Variants in MAD1L1 observed in about 807,000 individuals in gnomAD.
MAD1L1 encodes mitotic spindle assembly checkpoint protein MAD1.
MAD1L1 carries 95 observed loss-of-function variants against 96.9 expected under a neutral mutation model. That is an observed-to-expected ratio of 0.98 (90% CI 0.83 to 1.16). MAD1L1 has a LOEUF of 1.16. Among genes scored for constraint, MAD1L1 ranks in the 50% most tolerant of loss-of-function variants. The pLI, the probability that MAD1L1 is intolerant of heterozygous loss-of-function variation, is 0.00. For synonymous variants in MAD1L1, 473 were observed against 396.6 expected, an observed-to-expected ratio of 1.19 and a Z score of -2.29; for missense variants, 1,007 against 954.4, an observed-to-expected ratio of 1.06 and a Z score of -0.73.
chr7:2,109,554 C>G (rs1486380960), intron 11 of MAD1L1: 2 of 152,234 alleles, frequency 1.3e-5, no homozygotes, highest in Non-Finnish European at 2.9e-5. Flanking sequence ...TCGAGATGCT[C>G]TGGCGTGTCA....
rs377307064 is a variant in MAD1L1 at position 1,928,677 on chromosome 7, G to A, written c.1807+8010C>T. ...ATCCCATTTGAACCGCTCAGCTGTCGGCATTGCACGGTGTTTGTACTGAGC... is the reference window on the plus strand; with the variant it reads ...ATCCCATTTGAACCGCTCAGCTGTCAGCATTGCACGGTGTTTGTACTGAGC... On this transcript the variant is annotated intron_variant, in intron 17 of 18. Coordinates refer to ENST00000265854, the MANE Select transcript of MAD1L1 (RefSeq NM_001013836.2). Among the ~76,000 whole-genome samples the A allele has an allele frequency of 3.9e-5, 6 of 152,344 alleles. No homozygotes were observed. The East Asian group carries it at 5.8e-4, about 15-fold the overall frequency.
chr7:1,873,278 C>A (rs538202417), intron 18 of MAD1L1, among the ~76,000 whole-genome samples: 2 of 152,230 alleles, frequency 1.3e-5, no homozygotes, highest in East Asian at 3.9e-4. Flanking sequence ...CGGGCTGGGG[C>A]GCGAGTCCGG....
At chr7:1,864,999 G>A (rs1299553465) in intron 18 of MAD1L1, among the ~76,000 whole-genome samples, 1 of 152,150 alleles carries the variant, frequency 6.6e-6, no homozygotes, top group Non-Finnish European at 1.5e-5. Context: ...CTGAAGCACT[G>A]AGACACCTAC....
rs61593824 is a variant in MAD1L1 at position 1,860,340 on chromosome 7, T to C, written c.1998+37860A>G. 1.3e-3 allele frequency among the ~76,000 whole-genome samples: 60 copies of C among 47,862 alleles called. 1 individual carries two copies. Among genetic ancestry groups the C allele is most frequent in the Non-Finnish European group, 1.8e-3 (43 of 23,736 alleles). 31.4% of individuals were successfully genotyped at this position (47,862 alleles called of 152,430 possible). A position where few individuals can be genotyped will look rare whatever the true frequency, so the allele number is the denominator to read the frequency against. ...GCGGGGCGGCCTCTGTCTCCCTAGA[T>C]GTGACATCCTGCGGGGCGGCCTCTG... is the stretch of plus-strand genomic sequence containing the variant. On this transcript the variant is annotated intron_variant, in intron 18 of 18. Transcript: ENST00000265854.
intron 18 of MAD1L1, among the ~76,000 whole-genome samples, chr7:1,882,722 C>T (rs947169904): frequency 7.9e-5 from 12 of 152,230 alleles, no homozygotes; most frequent in Admixed American, 2.0e-4. Flanking sequence ...CACTGCCCTG[C>T]CACAGGCCCG....
chr7:1,933,767 G>A (rs1399361786), intron 17 of MAD1L1, among the ~76,000 whole-genome samples: 3 of 152,186 alleles, frequency 2.0e-5, no homozygotes, highest in Non-Finnish European at 4.4e-5. Context: ...ACTGCCCAGG[G>A]CACACAGATG....
intron 11 of MAD1L1, among the ~76,000 whole-genome samples, chr7:2,105,397 T>C (rs1407070527): frequency 1.4e-5 from 2 of 141,192 alleles, no homozygotes; most frequent in South Asian, 5.0e-4. Context: ...CGGGGCGGTC[T>C]CTGCTGGCCT....
At chr7:2,179,167 G>A (rs1465561136) in intron 10 of MAD1L1, among the ~76,000 whole-genome samples, 1 of 152,180 alleles carries the variant, frequency 6.6e-6, no homozygotes, top group East Asian at 1.9e-4. Context: ...CTCTCAAGAA[G>A]AGTGCGCCTG....
chr7:2,217,045 G>A (rs1793321931), intron 7 of MAD1L1, among the ~76,000 whole-genome samples: 1 of 152,176 alleles, frequency 6.6e-6, no homozygotes. Context: ...GAGCTCTCCA[G>A]GAGCAAAAGT....
chr7:1,954,664 G>A lies in MAD1L1; in HGVS notation c.1596+2965C>T, dbSNP rs541363889. On this transcript the variant is annotated intron_variant, in intron 16 of 18. Coordinates refer to ENST00000265854, the MANE Select transcript of MAD1L1 (RefSeq NM_001013836.2). ...CCGCCCGATTTCTGTCTTCACTTCA[G>A]AACACTGCAACACGTTCAAGACTCA... Among the ~76,000 whole-genome samples the A allele has an allele frequency of 6.6e-5, 10 of 152,332 alleles. No homozygotes were observed. The South Asian group carries it at 2.1e-3, about 32-fold the overall frequency.
intron 18 of MAD1L1, among the ~76,000 whole-genome samples, chr7:1,819,547 T>A (rs1782016733): frequency 6.6e-6 from 1 of 152,188 alleles, no homozygotes; most frequent in Non-Finnish European, 1.5e-5. Flanking sequence ...GTGGAACACG[T>A]GGGCCAGGGA....
In MAD1L1 at chr7:2,043,602, G is replaced by C. The variant is rs549526044; in HGVS notation, c.1218+25592C>G. 4.6e-5 allele frequency among the ~76,000 whole-genome samples: 7 copies of C among 152,326 alleles called. No individual in the cohort carries two copies. In the South Asian group the frequency reaches 1.4e-3, roughly 32 times the overall value. ...GCTGGGTCATGACTGTTCTCTGGAG[G>C]CTACGGGTGCCCTGCAGAGTGGAGG... On this transcript the variant is annotated intron_variant, in intron 12 of 18. Coordinates refer to ENST00000265854, the MANE Select transcript of MAD1L1 (RefSeq NM_001013836.2).
At chr7:2,048,845 C>T (rs922903545) in intron 12 of MAD1L1, among the ~76,000 whole-genome samples, 2 of 152,358 alleles carry the variant, frequency 1.3e-5, no homozygotes, top group East Asian at 3.9e-4. Flanking sequence ...CCCAAGCCAG[C>T]GCCAGGCCTT....
At chr7:1,878,170 G>C (rs4639400) in intron 18 of MAD1L1, among the ~76,000 whole-genome samples, 1 of 151,828 alleles carries the variant, frequency 6.6e-6, no homozygotes, top group Non-Finnish European at 1.5e-5. Flanking sequence ...TAAATTAAAT[G>C]CATAATTTAA....
chr7:2,000,921 G>A (rs960285433), intron 14 of MAD1L1, among the ~76,000 whole-genome samples: 7 of 152,144 alleles, frequency 4.6e-5, no homozygotes, highest in African/African-American at 9.7e-5. Context: ...GACAGCCCTC[G>A]CCCATTCCCA....
intron 18 of MAD1L1, among the ~76,000 whole-genome samples, chr7:1,883,770 A>G (rs1562487231): frequency 6.6e-6 from 1 of 152,340 alleles, no homozygotes; most frequent in East Asian, 1.9e-4. Flanking sequence ...CCGTATTAAA[A>G]GGAAGGCACC....
intron 11 of MAD1L1, among the ~76,000 whole-genome samples, chr7:2,091,549 G>A (rs777560145): frequency 6.6e-6 from 1 of 152,242 alleles, no homozygotes; most frequent in Non-Finnish European, 1.5e-5. Context: ...GCCGAGGTGG[G>A]CGGATCACAA....
At chr7:1,823,720 C>G (rs1782245031) in intron 18 of MAD1L1, among the ~76,000 whole-genome samples, 1 of 152,208 alleles carries the variant, frequency 6.6e-6, no homozygotes, top group South Asian at 2.1e-4. Flanking sequence ...GCAGAGCGCC[C>G]AGGCATTCTC....
chr7:1,924,256 A>C lies in MAD1L1; in HGVS notation c.1807+12431T>G, dbSNP rs116599777. Among the ~76,000 whole-genome samples the C allele has an allele frequency of 4.1e-3, 619 of 152,306 alleles. 5 individuals are homozygous for C. The highest frequency in any genetic ancestry group is 0.014 in the African/African-American group (566 of 41,576). On this transcript the variant is annotated intron_variant, in intron 17 of 18. Coordinates refer to ENST00000265854, the MANE Select transcript of MAD1L1 (RefSeq NM_001013836.2). The stretch of plus-strand genomic sequence containing the variant: ...GGTGTAGAAAGCACATCACCACAGG[A>C]GTCCTTCTCGCGGCAGGGTGGCAGG...
Sources: allele counts gnomAD v4.1 joint callset (sites outside exome capture counted in the v4.1 genomes callset), GRCh38; gene constraint gnomAD v4.1.1; transcripts MANE v1.5; gene names NCBI Gene and HGNC (gene_info 2026-07-23, HGNC 2026-07-21).